The following SLC9D1 variants were observed in gnomAD, a reference collection of about 807,000 sequenced individuals.
SLC9D1 encodes solute carrier family 9 member D1.
the SLC9D1 span, chr13:113,503,367 G>A: frequency 1.6e-6 from 1 of 619,692 alleles, no homozygotes; most frequent in Non-Finnish European, 2.9e-6. Flanking sequence ...GTGTGTGTGT[G>A]TGTGTGTGTG....
At chr13:113,549,529 C>T in the SLC9D1 span, 27 of 1,614,116 alleles carry the variant, frequency 1.7e-5, no homozygotes, top group Middle Eastern at 1.6e-4. Flanking sequence ...AGAGACGGTC[C>T]AGCCTCTGAT....
chr13:113,544,089 G>A, the SLC9D1 span, among the ~76,000 whole-genome samples: 5 of 152,378 alleles, frequency 3.3e-5, no homozygotes, highest in Admixed American at 2.6e-4. Context: ...AGAAACCCGG[G>A]TGGAGCTCCC....
At chr13:113,507,239 G>A in the SLC9D1 span, among the ~76,000 whole-genome samples, 5 of 149,844 alleles carry the variant, frequency 3.3e-5, no homozygotes, top group African/African-American at 7.3e-5. Context: ...TCATGGAGAC[G>A]GCATCCCGCT....
the SLC9D1 span, chr13:113,510,320 G>A: frequency 1.2e-5 from 19 of 1,614,070 alleles, no homozygotes; most frequent in Non-Finnish European, 1.4e-5. Flanking sequence ...CATCTCTTGC[G>A]GATCAAACCC....
chr13:113,516,659 A>G, the SLC9D1 span, among the ~76,000 whole-genome samples: 5 of 152,080 alleles, frequency 3.3e-5, no homozygotes, highest in African/African-American at 1.2e-4. Flanking sequence ...AGCTCTGGCC[A>G]CAGCAGCGGC....
chr13:113,515,890 CAAAAAAAAAAAAA>C, the SLC9D1 span, among the ~76,000 whole-genome samples: 2 of 79,066 alleles, frequency 2.5e-5, no homozygotes, highest in Non-Finnish European at 4.7e-5. Context: ...GACTCCGTCC[CAAAAAAAAAAAAA>C]AAAAAAAAAA....
At chr13:113,537,679 G>A in the SLC9D1 span, among the ~76,000 whole-genome samples, 1 of 152,212 alleles carries the variant, frequency 6.6e-6, no homozygotes. Context: ...CTGCCCCTGG[G>A]TCGTGAAGAT....
At chr13:113,546,906 C>T in the SLC9D1 span, among the ~76,000 whole-genome samples, 6 of 152,226 alleles carry the variant, frequency 3.9e-5, no homozygotes, top group African/African-American at 7.2e-5. This position sits in a 1 kb window ranked among gnomAD's most constrained non-coding sequence, Gnocchi z 7.1. Flanking sequence ...CCACAGGCGT[C>T]CTGTGAGCGT....
At chr13:113,548,572 CA>C in the SLC9D1 span, 3 of 1,104,674 alleles carry the variant, frequency 2.7e-6, no homozygotes, top group Non-Finnish European at 3.8e-6. Context: ...GGTCCTCCTC[CA>C]GGGGGGCACG....
At chr13:113,541,517 A>G in the SLC9D1 span, among the ~76,000 whole-genome samples, 14 of 127,806 alleles carry the variant, frequency 1.1e-4, no homozygotes, top group African/African-American at 3.4e-4. Flanking sequence ...TACGCACACG[A>G]TTGCTGATCA....
chr13:113,531,106 T>G, the SLC9D1 span, among the ~76,000 whole-genome samples: 27 of 152,180 alleles, frequency 1.8e-4, no homozygotes, highest in Admixed American at 1.1e-3. Context: ...ACTGCCACCA[T>G]CAGTGGACCC....
chr13:113,526,881 A>G, the SLC9D1 span, among the ~76,000 whole-genome samples: 2 of 152,226 alleles, frequency 1.3e-5, no homozygotes, highest in African/African-American at 2.4e-5. Flanking sequence ...CTTTGATGCT[A>G]TACTTTCAGT....
the SLC9D1 span, among the ~76,000 whole-genome samples, chr13:113,499,288 T>C: frequency 6.6e-6 from 1 of 152,200 alleles, no homozygotes; most frequent in Non-Finnish European, 1.5e-5. Context: ...GCATCTTGTT[T>C]TGTCAGCGGG....
chr13:113,539,468 A>T, the SLC9D1 span: 2 of 1,613,242 alleles, frequency 1.2e-6, no homozygotes, highest in Non-Finnish European at 1.7e-6. The surrounding 1 kb of genome is among the most constrained non-coding windows in gnomAD (Gnocchi z 4.8). Flanking sequence ...CATCGAACCC[A>T]TCCGCGACTT....
the SLC9D1 span, among the ~76,000 whole-genome samples, chr13:113,514,634 G>A: frequency 1.8e-5 from 2 of 110,104 alleles, no homozygotes; most frequent in African/African-American, 9.5e-5. Context: ...GTTTTAGACC[G>A]AGTCTTGCAA....
At chr13:113,507,901 G>A in the SLC9D1 span, among the ~76,000 whole-genome samples, 1 of 152,226 alleles carries the variant, frequency 6.6e-6, no homozygotes, top group Non-Finnish European at 1.5e-5. Context: ...GGCGCCGGGG[G>A]TGCCAAGGGG....
At chr13:113,492,977 T>A in the SLC9D1 span, among the ~76,000 whole-genome samples, 1 of 152,214 alleles carries the variant, frequency 6.6e-6, no homozygotes, top group African/African-American at 2.4e-5. Context: ...TAAAGATGTT[T>A]ACTAATTTGC....
the SLC9D1 span, chr13:113,549,627 C>T: frequency 6.5e-7 from 1 of 1,536,568 alleles, no homozygotes; most frequent in East Asian, 2.2e-5. Context: ...GGGAAGCTCG[C>T]ACCTTGGCAA....
the SLC9D1 span, among the ~76,000 whole-genome samples, chr13:113,544,465 G>A: frequency 2.0e-5 from 3 of 152,344 alleles, no homozygotes; most frequent in Admixed American, 1.3e-4. Context: ...CGCCAGCTGC[G>A]GCCCAAGGCC....
Sources: allele counts gnomAD v4.1 joint callset (sites outside exome capture counted in the v4.1 genomes callset), GRCh38; gene constraint gnomAD v4.1.1; non-coding constraint Gnocchi (gnomAD v3.1); transcripts MANE v1.5; gene names NCBI Gene and HGNC (gene_info 2026-07-23, HGNC 2026-07-21).